AGPAT4: variants seen among roughly 807,000 people sequenced by gnomAD.
AGPAT4 encodes 1-acyl-sn-glycerol-3-phosphate acyltransferase delta.
AGPAT4 carries 15 observed loss-of-function variants against 48.0 expected under a neutral mutation model. The observed-to-expected ratio is 0.31, with a 90% CI of 0.21 to 0.48. AGPAT4 has a LOEUF of 0.48. Ranked by LOEUF, AGPAT4 falls within the 20% of genes least tolerant of loss-of-function variation. The pLI is 0.99. For missense variants in AGPAT4, 314 were observed against 482.5 expected, an observed-to-expected ratio of 0.65 and a Z score of 3.27; for synonymous variants, 178 against 198.7, an observed-to-expected ratio of 0.90 and a Z score of 0.88.
At position 161,154,309 on chromosome 6, in the gene AGPAT4, C is replaced by A; in HGVS notation, c.350G>T (p.Gly117Val). 1 of 1,614,066 alleles carries A rather than the reference C, an allele frequency of 6.2e-7. No individual in the cohort carries two copies. Among genetic ancestry groups the A allele is most frequent in the Non-Finnish European group, 8.5e-7 (1 of 1,180,018 alleles). ...CTCTTTCTTGGCCAGGACCTTGGAG[C>A]CCTGAAACAGAAGAAGGAGCCCAGG... is the stretch of plus-strand genomic sequence containing the variant. ...SLSERFGLLG[G>V]SKVLAKKELA... Residue 117 changes from glycine (G) to valine (V), a missense_variant and splice_region_variant, in exon 4 of 9, where the codon GGC becomes GTC. Gly to Val is a moderately radical substitution (Grantham distance 109). Coordinates refer to ENST00000320285, the MANE Select transcript of AGPAT4 (RefSeq NM_020133.3). The surrounding 1 kb of genome is among the most constrained non-coding windows in gnomAD (Gnocchi z 7.8).
rs1410059552 is a variant in AGPAT4, at chr6:161,266,428, C to T, written c.-90+7510G>A. ...CATACCTCCATGCCATGAATGAGCA[C>T]CCAGTGCAGTTATGAAGAGAGGACT... On this transcript the variant is annotated intron_variant, in intron 1 of 8. Coordinates refer to ENST00000320285, the MANE Select transcript of AGPAT4 (RefSeq NM_020133.3). This position sits in a 1 kb window ranked among gnomAD's most constrained non-coding sequence, Gnocchi z 6.2. Among the ~76,000 whole-genome samples the T allele has an allele frequency of 4.6e-5, 7 of 152,136 alleles. No homozygotes were observed. Among genetic ancestry groups the T allele is most frequent in the Non-Finnish European group, 1.5e-5 (1 of 68,028 alleles).
At position 161,251,617 on chromosome 6, in the gene AGPAT4, G is replaced by GAGGA. The variant is rs1346039172; in HGVS notation, c.-89-19319_-89-19316dup. Among the ~76,000 whole-genome samples, 29 of 152,226 alleles carry GAGGA rather than the reference G, an allele frequency of 1.9e-4. No individual in the cohort carries two copies. Among genetic ancestry groups the GAGGA allele is most frequent in the Admixed American group, 1.9e-3 (29 of 15,288 alleles). Reference sequence around the variant, plus strand: ...CGGCCGCTGGTTAAAGACCCGCAGGGAGGATGGAAGCTGCGCCTGAGAGCT... The same window carrying GAGGA: ...CGGCCGCTGGTTAAAGACCCGCAGGGAGGAAGGATGGAAGCTGCGCCTGAGAGCT... On this transcript the variant is annotated intron_variant, in intron 1 of 8. Transcript: ENST00000320285. This position sits in a 1 kb window ranked among gnomAD's most constrained non-coding sequence, Gnocchi z 4.6.
Position 161,171,653 on chromosome 6 carries a change from G to A in AGPAT4, c.179-5236C>T, listed in dbSNP as rs1463907419. Among the ~76,000 whole-genome samples the A allele has an allele frequency of 1.3e-5, 2 of 151,904 alleles. No individual in the cohort carries two copies. Among genetic ancestry groups the A allele is most frequent in the Non-Finnish European group, 2.9e-5 (2 of 68,020 alleles). On this transcript the variant is annotated intron_variant, in intron 2 of 8. Coordinates refer to ENST00000320285, the MANE Select transcript of AGPAT4 (RefSeq NM_020133.3). The surrounding 1 kb of genome is among the most constrained non-coding windows in gnomAD (Gnocchi z 4.4). Reference sequence around the variant, plus strand: ...GCCTGTAATTCCAGCACTTTGGAAGGCCAAGGCAGGCAGATCACAAGGTCA... The same window carrying A: ...GCCTGTAATTCCAGCACTTTGGAAGACCAAGGCAGGCAGATCACAAGGTCA...
intron 2 of AGPAT4, among the ~76,000 whole-genome samples, chr6:161,213,079 G>A (rs1781559810): frequency 6.6e-6 from 1 of 152,144 alleles, no homozygotes; most frequent in Admixed American, 6.5e-5. Flanking sequence ...GGTAAACAAT[G>A]TCACTTTCTG....
At position 161,219,901 on chromosome 6, in the gene AGPAT4, AGGCAGGCAGGCAGGC is replaced by A. The variant is rs1244814283; in HGVS notation, c.178+12120_178+12134del. Reference sequence around the variant, plus strand: ...CAGGCAGGCAGGCAGGCAGGCAGGCAGGCAGGCAGGCAGGCGGCAGGCAGGCAGGCAGGCAGGCAG... The same window carrying A: ...CAGGCAGGCAGGCAGGCAGGCAGGCAGGCAGGCAGGCAGGCAGGCAGGCAG... On this transcript the variant is annotated intron_variant, in intron 2 of 8. Transcript: ENST00000320285. This position sits in a 1 kb window ranked among gnomAD's most constrained non-coding sequence, Gnocchi z 4.9. Among the ~76,000 whole-genome samples the A allele has an allele frequency of 6.5e-5, 9 of 138,254 alleles. No homozygotes were observed. The highest frequency in any genetic ancestry group is 1.8e-4 in the African/African-American group (6 of 32,490). 90.7% of individuals were successfully genotyped at this position (138,254 alleles called of 152,430 possible).
At position 161,197,880 on chromosome 6, in the gene AGPAT4, G is replaced by T. The variant is rs1009000060; in HGVS notation, c.179-31463C>A. Reference sequence around the variant, plus strand: ...CCCACTGCTGATTGATTGAAATGTGGTCTTGGCCTCACTGTCAATAGCAAT... The same window carrying T: ...CCCACTGCTGATTGATTGAAATGTGTTCTTGGCCTCACTGTCAATAGCAAT... On this transcript the variant is annotated intron_variant, in intron 2 of 8. Coordinates refer to ENST00000320285, the MANE Select transcript of AGPAT4 (RefSeq NM_020133.3). This position sits in a 1 kb window ranked among gnomAD's most constrained non-coding sequence, Gnocchi z 5.7. Among the ~76,000 whole-genome samples the T allele has an allele frequency of 2.0e-5, 3 of 152,220 alleles. No homozygotes were observed. Among genetic ancestry groups the T allele is most frequent in the Non-Finnish European group, 2.9e-5 (2 of 68,038 alleles).
At chr6:161,194,526 C>G (rs796676669) in intron 2 of AGPAT4, among the ~76,000 whole-genome samples, 16 of 147,542 alleles carry the variant, frequency 1.1e-4, no homozygotes, top group African/African-American at 1.5e-4. Flanking sequence ...ATGTGTGTGT[C>G]TGTGTGTCTA....
chr6:161,167,976 T>C (rs939668682), intron 2 of AGPAT4, among the ~76,000 whole-genome samples: 7 of 152,058 alleles, frequency 4.6e-5, no homozygotes, highest in Admixed American at 3.9e-4. Context: ...AAATGAACAA[T>C]AAAAAGTGTC....
Position 161,134,203 on chromosome 6 carries a change from GTTA to G in AGPAT4, c.*2334_*2336del, listed in dbSNP as rs967803880. 6.6e-6 allele frequency: 1 copy of G among 152,178 alleles called. No homozygotes were observed. The highest frequency in any genetic ancestry group is 1.5e-5 in the Non-Finnish European group (1 of 68,044). 9.4% of individuals were successfully genotyped at this position (152,178 alleles called of 1,614,324 possible). The stretch of plus-strand genomic sequence containing the variant: ...CAATTCAAAACTTGGCGCTCACTTA[GTTA>G]TTTCCTAAGAGATTTCTGCCTGCAT... On this transcript the variant is annotated 3_prime_UTR_variant, in exon 9 of 9. Coordinates refer to ENST00000320285, the MANE Select transcript of AGPAT4 (RefSeq NM_020133.3).
chr6:161,162,217 C>T (rs940182035), intron 3 of AGPAT4, among the ~76,000 whole-genome samples: 2 of 152,226 alleles, frequency 1.3e-5, no homozygotes, highest in African/African-American at 2.4e-5. Context: ...GGTGGGCAGC[C>T]GCCAAGGGGC....
In AGPAT4 at chr6:161,262,254, A is replaced by G. The variant is rs1468249269; in HGVS notation, c.-90+11684T>C. Reference sequence around the variant, plus strand: ...GGTTGGTCCAAGGTGGGGCCCAGGAAGTCCTTTTTAAAATGCTTCCTAGGT... The same window carrying G: ...GGTTGGTCCAAGGTGGGGCCCAGGAGGTCCTTTTTAAAATGCTTCCTAGGT... On this transcript the variant is annotated intron_variant, in intron 1 of 8. Transcript: ENST00000320285. This position sits in a 1 kb window ranked among gnomAD's most constrained non-coding sequence, Gnocchi z 4.9. 6.6e-6 allele frequency among the ~76,000 whole-genome samples: 1 copy of G among 152,104 alleles called. No homozygotes were observed. The highest frequency in any genetic ancestry group is 2.4e-5 in the African/African-American group (1 of 41,430).
rs939909159 is a variant in AGPAT4 at position 161,261,847 on chromosome 6, G to C, written c.-90+12091C>G. The stretch of plus-strand genomic sequence containing the variant: ...CTGTGAATGCTGCATATCCAAAGAG[G>C]CTGGAGAGTGAACAGGCATTGACCT... On this transcript the variant is annotated intron_variant, in intron 1 of 8. Transcript: ENST00000320285. This position sits in a 1 kb window ranked among gnomAD's most constrained non-coding sequence, Gnocchi z 5.3. Among the ~76,000 whole-genome samples, 6 of 152,154 alleles carry C rather than the reference G, an allele frequency of 3.9e-5. No individual in the cohort carries two copies. Among genetic ancestry groups the C allele is most frequent in the African/African-American group, 1.4e-4 (6 of 41,430 alleles).
At chr6:161,185,900 ACAATG>A (rs1379464511) in intron 2 of AGPAT4, among the ~76,000 whole-genome samples, 1 of 152,232 alleles carries the variant, frequency 6.6e-6, no homozygotes, top group Non-Finnish European at 1.5e-5. Flanking sequence ...GATGAAGATT[ACAATG>A]CAATTTGAAA....
chr6:161,140,730 C>T lies in AGPAT4; in HGVS notation c.844-1110G>A, dbSNP rs896532320. Reference sequence around the variant, plus strand: ...GGCCCGTCTAAGGGCAGGTCCTGGCCGTGAGGAGGGGCCAGGGCAGAAGCT... The same window carrying T: ...GGCCCGTCTAAGGGCAGGTCCTGGCTGTGAGGAGGGGCCAGGGCAGAAGCT... On this transcript the variant is annotated intron_variant, in intron 7 of 8. Coordinates refer to ENST00000320285, the MANE Select transcript of AGPAT4 (RefSeq NM_020133.3). The surrounding 1 kb of genome is among the most constrained non-coding windows in gnomAD (Gnocchi z 6.5). Among the ~76,000 whole-genome samples, 1 of 152,168 alleles carries T rather than the reference C, an allele frequency of 6.6e-6. No individual in the cohort carries two copies. The highest frequency in any genetic ancestry group is 1.5e-5 in the Non-Finnish European group (1 of 68,028).
rs1412676012 is a variant in AGPAT4 at position 161,139,901 on chromosome 6, C to G, written c.844-281G>C. ...GCATGAACCCTGGCGCCAGGCCAGC[C>G]TGGGCTAGGATCCACCCTCTGTGGG... On this transcript the variant is annotated intron_variant, in intron 7 of 8. Transcript: ENST00000320285. The surrounding 1 kb of genome is among the most constrained non-coding windows in gnomAD (Gnocchi z 9.1). 6.6e-6 allele frequency among the ~76,000 whole-genome samples: 1 copy of G among 152,242 alleles called. No homozygotes were observed. Among genetic ancestry groups the G allele is most frequent in the Non-Finnish European group, 1.5e-5 (1 of 68,034 alleles).
chr6:161,161,403 A>G lies in AGPAT4; in HGVS notation c.348+4845T>C, dbSNP rs1490828420. 4.4e-6 allele frequency: 2 copies of G among 456,584 alleles called. No individual in the cohort carries two copies. Among genetic ancestry groups the G allele is most frequent in the African/African-American group, 4.0e-5 (2 of 50,062 alleles). The allele number at this position is 456,584 out of a possible 1,614,324, so 28.3% of individuals were successfully genotyped here. A position where few individuals can be genotyped will look rare whatever the true frequency, so the allele number is the denominator to read the frequency against. ...TCGGGTTCCTCATCCATGTGATTCCAGATCCCAGCACACTTGCCAAACCCA... is the reference window on the plus strand; with the variant it reads ...TCGGGTTCCTCATCCATGTGATTCCGGATCCCAGCACACTTGCCAAACCCA... On this transcript the variant is annotated intron_variant, in intron 3 of 8. Transcript: ENST00000320285. This position sits in a 1 kb window ranked among gnomAD's most constrained non-coding sequence, Gnocchi z 4.6.
At chr6:161,194,671 T>C (rs1483853695) in intron 2 of AGPAT4, among the ~76,000 whole-genome samples, 3 of 151,992 alleles carry the variant, frequency 2.0e-5, no homozygotes, top group Non-Finnish European at 4.4e-5. Flanking sequence ...TATGTGTGTA[T>C]AGATGCGTAG....
At chr6:161,194,093 C>T (rs1266463252) in intron 2 of AGPAT4, among the ~76,000 whole-genome samples, 1 of 152,180 alleles carries the variant, frequency 6.6e-6, no homozygotes, top group Non-Finnish European at 1.5e-5. Context: ...CTAGTCCAAA[C>T]TGAGATAAGC....
At chr6:161,188,948 T>C (rs1429490719) in intron 2 of AGPAT4, among the ~76,000 whole-genome samples, 1 of 152,236 alleles carries the variant, frequency 6.6e-6, no homozygotes, top group Non-Finnish European at 1.5e-5. Context: ...AGAATTCCTG[T>C]ACCAGCTGCT....
Sources: gnomAD v4.1 joint callset for allele counts (sites outside exome capture counted in the v4.1 genomes callset) on GRCh38, gnomAD v4.1.1 for gene constraint, Gnocchi (gnomAD v3.1) non-coding constraint, MANE v1.5 for transcripts, NCBI Gene and HGNC (gene_info 2026-07-23, HGNC 2026-07-21) for gene names.